Variants in DNAJB2 observed in about 807,000 individuals in gnomAD.
DNAJB2 encodes dnaJ homolog subfamily B member 2.
A neutral mutation model predicts 33.3 loss-of-function variants in DNAJB2; 19 were observed. That is an observed-to-expected ratio of 0.57 (90% CI 0.40 to 0.84). The LOEUF is 0.84. Among genes scored for constraint, DNAJB2 ranks in the 40% least tolerant of loss-of-function variants. The pLI, the probability that DNAJB2 is intolerant of heterozygous loss-of-function variation, is 0.00. For missense variants in DNAJB2, 368 were observed against 430.9 expected (o/e 0.85, Z 1.29); for synonymous variants, 172 against 164.6 (o/e 1.04, Z -0.34).
At chr2:219,282,330 A>G (rs1185709511) in intron 5 of DNAJB2, 7 of 518,438 alleles carry the variant, frequency 1.4e-5, no homozygotes, top group South Asian at 2.6e-5. Context: ...CCATGAAAGC[A>G]AGACTCAAAG....
In DNAJB2 at chr2:219,285,941, G is replaced by T; in HGVS notation, c.*954G>T. ...TGCTGAGCCCCATCCTCCACAGCTT[G>T]CCGCTGACGCTCTCTCCTGTCACCC... On this transcript the variant is annotated 3_prime_UTR_variant, in exon 9 of 9. Coordinates refer to ENST00000336576, the MANE Select transcript of DNAJB2 (RefSeq NM_006736.6). 1 of 1,608,240 alleles carries T rather than the reference G, an allele frequency of 6.2e-7. No homozygotes were observed.
intron 2 of DNAJB2, chr2:219,280,181 C>G: frequency 1.9e-6 from 1 of 537,154 alleles, no homozygotes; most frequent in East Asian, 3.2e-5. Context: ...CCTTTCCCCT[C>G]CCCTCCCCCT....
In DNAJB2 at chr2:219,279,373, T is replaced by G. The variant is rs920031842; in HGVS notation, c.-182T>G. On this transcript the variant is annotated 5_prime_UTR_variant, in exon 1 of 9. Transcript: ENST00000336576. The surrounding 1 kb of genome is among the most constrained non-coding windows in gnomAD (Gnocchi z 4.9). ...GGCCTTCTCCCCGTCTCTAGTAGTT[T>G]CCGCACCGCTGACGCATGCCTGCGC... 7 of 155,320 alleles carry G rather than the reference T, an allele frequency of 4.5e-5. No individual in the cohort carries two copies. Among genetic ancestry groups the G allele is most frequent in the African/African-American group, 9.6e-5 (4 of 41,492 alleles). The allele number at this position is 155,320 out of a possible 1,614,324, so 9.6% of individuals were successfully genotyped here.
chr2:219,282,015 C>T lies in DNAJB2; in HGVS notation c.306C>T (p.Val102=), dbSNP rs1426900755. 5 of 1,614,216 alleles carry T rather than the reference C, an allele frequency of 3.1e-6. No individual in the cohort carries two copies. Among genetic ancestry groups the T allele is most frequent in the Admixed American group, 1.7e-5 (1 of 60,030 alleles). ...TCACCTTCCGCAGCCCCGAGGAGGT[C>T]TTCCGGGAATTCTTTGGGAGTGGAG... ...FTFTFRSPEE[V]FREFFGSGDP... Residue 102 remains valine (V), a synonymous_variant, in exon 5 of 9, where the codon GTC becomes GTT. Transcript: ENST00000336576.
chr2:219,281,569 A>G, intron 3 of DNAJB2, 149 bp from the exon 4 acceptor site: 13 of 971,390 alleles, frequency 1.3e-5, no homozygotes, highest in Non-Finnish European at 2.0e-5. Context: ...GCCTAAACCT[A>G]TAGCCCGTGT....
Position 219,285,868 on chromosome 2 carries a change from C to T in DNAJB2, c.*881C>T. The T allele has an allele frequency of 6.6e-7, 1 of 1,511,644 alleles. No individual in the cohort carries two copies. Among genetic ancestry groups the T allele is most frequent in the Non-Finnish European group, 8.9e-7 (1 of 1,129,694 alleles). 93.6% of individuals were successfully genotyped at this position (1,511,644 alleles called of 1,614,324 possible). Reference sequence around the variant, plus strand: ...GACTGCACCCATACTGCTTCCCTACCACAAATCAGGGCTCAGGGAGAGGCC... The same window carrying T: ...GACTGCACCCATACTGCTTCCCTACTACAAATCAGGGCTCAGGGAGAGGCC... On this transcript the variant is annotated 3_prime_UTR_variant, in exon 9 of 9. Coordinates refer to ENST00000336576, the MANE Select transcript of DNAJB2 (RefSeq NM_006736.6).
chr2:219,281,613 G>T, intron 3 of DNAJB2, 105 bp from the exon 4 acceptor site: 1 of 1,501,706 alleles, frequency 6.7e-7, no homozygotes, highest in Non-Finnish European at 9.2e-7. Context: ...GCTTTCCCCC[G>T]CCAAGTGTCA....
intron 5 of DNAJB2, 163 bp downstream of exon 5, chr2:219,282,224 C>A (rs768305677): frequency 8.5e-6 from 9 of 1,064,416 alleles, no homozygotes; most frequent in Non-Finnish European, 1.2e-5. Flanking sequence ...CAGAACCTCA[C>A]GTGTGCCAGA....
At chr2:219,281,300 G>C (rs1951901945) in intron 3 of DNAJB2, 1 of 211,040 alleles carries the variant, frequency 4.7e-6, no homozygotes, top group African/African-American at 2.3e-5. Context: ...GAGTGCTAGG[G>C]AATAATGTGC....
chr2:219,280,016 G>T, intron 2 of DNAJB2, 118 bp downstream of exon 2: 1 of 1,153,046 alleles, frequency 8.7e-7, no homozygotes, highest in Non-Finnish European at 1.3e-6. Context: ...AAGCACTGGG[G>T]TGCTTCTTCC....
chr2:219,284,730 C>A lies in DNAJB2; in HGVS notation c.718C>A (p.Pro240Thr), dbSNP rs750754902. 2 of 1,613,516 alleles carry A rather than the reference C, an allele frequency of 1.2e-6. No individual in the cohort carries two copies. The highest frequency in any genetic ancestry group is 2.2e-5 in the South Asian group (2 of 91,084). Residue 240 changes from proline (P) to threonine (T), a missense_variant, in exon 9 of 9, where the codon CCT becomes ACT. By Grantham distance (38) the Pro-to-Thr change is conservative. Coordinates refer to ENST00000336576, the MANE Select transcript of DNAJB2 (RefSeq NM_006736.6). Reference protein sequence around the residue: ...RSGGTQVQQTPASCPLDSDLS... With the variant: ...RSGGTQVQQTTASCPLDSDLS... ...TGGGGGCACTCAGGTCCAGCAGACC[C>A]CTGCCTCATGCCCCTTGGACAGCGA...
chr2:219,281,452 C>T (rs938251275), intron 3 of DNAJB2: 7 of 483,602 alleles, frequency 1.4e-5, no homozygotes, highest in East Asian at 1.3e-4. Flanking sequence ...AGGCAGTTTA[C>T]GTGGATGGTC....
Position 219,284,960 on chromosome 2 carries a change from GAA to G in DNAJB2, c.949_950del (p.Lys317GlyfsTer16). 6.5e-7 allele frequency: 1 copy of G among 1,535,130 alleles called. No individual in the cohort carries two copies. Among genetic ancestry groups the G allele is most frequent in the Middle Eastern group, 1.8e-4 (1 of 5,708 alleles). On this transcript the variant is annotated frameshift_variant, in exon 9 of 9. Transcript: ENST00000336576. LOFTEE classifies it high-confidence loss of function. Reference protein sequence around the residue: ...ATKRSPSPEEKASRCLIL With the variant: ...ATKRSPSPEEXASRCLIL ...CCAAACGCAGTCCATCCCCAGAGGA[GAA>G]GGCCTCTCGCTGCCTCATCCTCTGA... is the stretch of plus-strand genomic sequence containing the variant.
intron 3 of DNAJB2, 66 bp from the exon 4 acceptor site, chr2:219,281,652 A>G (rs1951904812): frequency 6.2e-7 from 1 of 1,602,826 alleles, no homozygotes; most frequent in East Asian, 2.2e-5. Context: ...AATCCTTTGA[A>G]CGTCCTAGCC....
chr2:219,285,924 C>T lies in DNAJB2; in HGVS notation c.*937C>T, dbSNP rs1951951254. On this transcript the variant is annotated 3_prime_UTR_variant, in exon 9 of 9. Coordinates refer to ENST00000336576, the MANE Select transcript of DNAJB2 (RefSeq NM_006736.6). ...GCCAGCCCAGGTCTGCATGCTGAGC[C>T]CCATCCTCCACAGCTTGCCGCTGAC... 2 of 1,601,846 alleles carry T rather than the reference C, an allele frequency of 1.2e-6. No individual in the cohort carries two copies. Among genetic ancestry groups the T allele is most frequent in the Non-Finnish European group, 1.7e-6 (2 of 1,176,218 alleles).
intron 2 of DNAJB2, 110 bp from the exon 3 acceptor site, chr2:219,280,468 G>A (rs991879716): frequency 3.7e-5 from 29 of 773,750 alleles, no homozygotes; most frequent in Admixed American, 3.6e-4. Context: ...ACTGGGACCC[G>A]GGGGTGAAAG....
chr2:219,283,607 A>G, intron 8 of DNAJB2, 118 bp downstream of exon 8: 1 of 1,013,052 alleles, frequency 9.9e-7, no homozygotes, highest in South Asian at 1.7e-5. Context: ...GAGTGGCAAC[A>G]GGCCAGACTG....
In DNAJB2 at chr2:219,285,174, TGATAGGTCCCTGGTGAAGCCCAGGGTG is replaced by T; in HGVS notation, c.*189_*215del. The T allele has an allele frequency of 7.8e-7, 1 of 1,288,936 alleles. No individual in the cohort carries two copies. The highest frequency in any genetic ancestry group is 9.8e-7 in the Non-Finnish European group (1 of 1,017,602). The allele number at this position is 1,288,936 out of a possible 1,614,324, so 79.8% of individuals were successfully genotyped here. On this transcript the variant is annotated 3_prime_UTR_variant, in exon 9 of 9. Coordinates refer to ENST00000336576, the MANE Select transcript of DNAJB2 (RefSeq NM_006736.6). Reference sequence around the variant, plus strand: ...GGATTTGCTGTGCTCAGCCCAGGGCTGATAGGTCCCTGGTGAAGCCCAGGGTGGGGGGTGTCAGGGCAGTGGAGGGGC... The same window carrying T: ...GGATTTGCTGTGCTCAGCCCAGGGCTGGGGGTGTCAGGGCAGTGGAGGGGC...
intron 5 of DNAJB2, 55 bp downstream of exon 5, chr2:219,282,116 C>T (rs1396720694): frequency 4.3e-6 from 7 of 1,613,730 alleles, no homozygotes; most frequent in Non-Finnish European, 5.9e-6. Flanking sequence ...CAGGCCTGTC[C>T]TTCCATCAGC....
Sources: allele counts gnomAD v4.1 joint callset, GRCh38; gene constraint gnomAD v4.1.1; non-coding constraint Gnocchi (gnomAD v3.1); transcripts MANE v1.5; gene names NCBI Gene and HGNC (gene_info 2026-07-23, HGNC 2026-07-21).